TIGAR: variants seen among roughly 807,000 people sequenced by gnomAD.
The protein encoded by TIGAR is TP53 induced glycolysis regulatory phosphatase, also known as fructose-2,6-bisphosphatase TIGAR.
Under a neutral mutation model 17.9 loss-of-function variants are expected in TIGAR, and 7 were observed. That is an observed-to-expected ratio of 0.39 (90% CI 0.22 to 0.73). The LOEUF is 0.73. Ranked by LOEUF, TIGAR falls within the 30% of genes least tolerant of loss-of-function variation. The probability of loss-of-function intolerance (pLI) is 0.42; values close to 1 mark genes in which losing one functional copy is unlikely to be tolerated. For missense variants in TIGAR, 258 were observed against 327.4 expected (o/e 0.79, Z 1.64); for synonymous variants, 94 against 108.6 (o/e 0.87, Z 0.84).
At position 4,353,671 on chromosome 12, in the gene TIGAR, A is replaced by G. The variant is rs1321558918; in HGVS notation, c.*980A>G. 2.0e-5 allele frequency: 3 copies of G among 152,284 alleles called. No homozygotes were observed. The highest frequency in any genetic ancestry group is 7.2e-5 in the African/African-American group (3 of 41,434). The allele number at this position is 152,284 out of a possible 1,614,324, so 9.4% of individuals were successfully genotyped here. A position where few individuals can be genotyped will look rare whatever the true frequency, so the allele number is the denominator to read the frequency against. ...CCAACAATGGTGAAACCCTGTCTCT[A>G]CTACAAATACAAAAAAGCCAGGCGT... On this transcript the variant is annotated 3_prime_UTR_variant, in exon 6 of 6. Coordinates refer to ENST00000179259, the MANE Select transcript of TIGAR (RefSeq NM_020375.3).
intron 3 of TIGAR, among the ~76,000 whole-genome samples, chr12:4,345,174 C>T (rs7398987): frequency 0.049 from 7,408 of 152,192 alleles, 531 homozygotes; most frequent in East Asian, 0.33. Context: ...ATGAAAATGG[C>T]CATACTGCCC....
At chr12:4,349,711 C>A (rs1387467156) in intron 3 of TIGAR, 108 bp from the exon 4 acceptor site, 2 of 916,216 alleles carry the variant, frequency 2.2e-6, no homozygotes, top group African/African-American at 3.6e-5. Flanking sequence ...GCCACCGTGC[C>A]TGGTTCTAGT....
At chr12:4,349,185 G>A (rs1864811620) in intron 3 of TIGAR, among the ~76,000 whole-genome samples, 1 of 152,250 alleles carries the variant, frequency 6.6e-6, no homozygotes, top group African/African-American at 2.4e-5. Flanking sequence ...GTTAACACCT[G>A]TTCAAGTCTG....
chr12:4,341,573 C>A (rs1864722687), intron 3 of TIGAR, among the ~76,000 whole-genome samples: 1 of 152,224 alleles, frequency 6.6e-6, no homozygotes, highest in Non-Finnish European at 1.5e-5. Context: ...GCAACATTTG[C>A]TGTTCAGCAA....
At chr12:4,340,737 A>C (rs1864710654) in intron 3 of TIGAR, among the ~76,000 whole-genome samples, 1 of 152,208 alleles carries the variant, frequency 6.6e-6, no homozygotes, top group Non-Finnish European at 1.5e-5. Flanking sequence ...CCAGAAACAA[A>C]TCCATGCATC....
At chr12:4,328,437 C>T (rs997309984) in intron 1 of TIGAR, among the ~76,000 whole-genome samples, 1 of 151,970 alleles carries the variant, frequency 6.6e-6, no homozygotes, top group Non-Finnish European at 1.5e-5. Flanking sequence ...GGTGATCTGC[C>T]CTCCTTGGCC....
At chr12:4,328,810 C>G (rs775307076) in intron 1 of TIGAR, among the ~76,000 whole-genome samples, 1 of 149,220 alleles carries the variant, frequency 6.7e-6, no homozygotes, top group Admixed American at 6.7e-5. Context: ...CTCCTGACCT[C>G]GTGATCTGCC....
chr12:4,324,584 C>T, intron 1 of TIGAR: 1 of 1,599,338 alleles, frequency 6.3e-7, no homozygotes, highest in South Asian at 1.1e-5. Flanking sequence ...TGCGTCTTCA[C>T]CACTTCCGGC....
intron 3 of TIGAR, among the ~76,000 whole-genome samples, chr12:4,348,843 GA>G (rs1169435070): frequency 1.3e-5 from 2 of 152,116 alleles, no homozygotes; most frequent in African/African-American, 4.8e-5. Flanking sequence ...ATGAGAGAAG[GA>G]AATGTGAATA....
chr12:4,326,238 A>G (rs1864544979), intron 1 of TIGAR, among the ~76,000 whole-genome samples: 1 of 152,214 alleles, frequency 6.6e-6, no homozygotes, highest in African/African-American at 2.4e-5. Flanking sequence ...GACTCCTTCA[A>G]AATATATCCC....
rs1416278385 is a variant in TIGAR at position 4,338,141 on chromosome 12, AG to A, written c.192+982del. Among the ~76,000 whole-genome samples, 4 of 39,800 alleles carry A rather than the reference AG, an allele frequency of 1.0e-4. No homozygotes were observed. In the Admixed American group the frequency reaches 1.2e-3, roughly 12 times the overall value. The allele number at this position is 39,800 out of a possible 152,430, so 26.1% of individuals were successfully genotyped here. On this transcript the variant is annotated intron_variant, in intron 3 of 5. Transcript: ENST00000179259. ...ACTCTTGTCTCGAAAATAAAAAAAA[AG>A]TAAAATTAAAAACGAACCCAGTCTA...
chr12:4,321,748 C>A lies in TIGAR; in HGVS notation c.32+445C>A, dbSNP rs1779671772. Among the ~76,000 whole-genome samples the A allele has an allele frequency of 6.6e-6, 1 of 152,162 alleles. No homozygotes were observed. The highest frequency in any genetic ancestry group is 1.5e-5 in the Non-Finnish European group (1 of 68,018). ...CGCTATCCTCTCAGTTTCTGAGGTTCCCCCTCGTTTCCCCAGGCAGTCAGC... is the reference window on the plus strand; with the variant it reads ...CGCTATCCTCTCAGTTTCTGAGGTTACCCCTCGTTTCCCCAGGCAGTCAGC... On this transcript the variant is annotated intron_variant, in intron 1 of 5. Coordinates refer to ENST00000179259, the MANE Select transcript of TIGAR (RefSeq NM_020375.3). This position sits in a 1 kb window ranked among gnomAD's most constrained non-coding sequence, Gnocchi z 5.2.
Position 4,355,030 on chromosome 12 carries a change from C to G in TIGAR, c.*2339C>G, listed in dbSNP as rs1460720708. 6.6e-6 allele frequency among the ~76,000 whole-genome samples: 1 copy of G among 151,812 alleles called. No homozygotes were observed. Among genetic ancestry groups the G allele is most frequent in the African/African-American group, 2.4e-5 (1 of 41,296 alleles). ...GCAGGCATAAGCCACCGTGCCTGGC[C>G]TATGATGCATTTTTTTAATATGTGT... On this transcript the variant is annotated 3_prime_UTR_variant, in exon 6 of 6. Transcript: ENST00000179259.
At chr12:4,346,780 A>G (rs1168375603) in intron 3 of TIGAR, among the ~76,000 whole-genome samples, 2 of 152,062 alleles carry the variant, frequency 1.3e-5, no homozygotes, top group Admixed American at 1.3e-4. Context: ...AAAAAAAATG[A>G]CAAAGAGACA....
At chr12:4,336,881 T>G (rs2120666679) in intron 2 of TIGAR, among the ~76,000 whole-genome samples, 158 bp from the exon 3 acceptor site, 1 of 152,356 alleles carries the variant, frequency 6.6e-6, no homozygotes, top group South Asian at 2.1e-4. Context: ...AAACTTATTT[T>G]TACTTGCTAA....
chr12:4,346,958 A>G (rs2120685649), intron 3 of TIGAR, among the ~76,000 whole-genome samples: 1 of 152,322 alleles, frequency 6.6e-6, no homozygotes, highest in Admixed American at 6.5e-5. Context: ...GGGAATGTGA[A>G]TTAGTACAAC....
chr12:4,322,916 T>C (rs1864496177), intron 1 of TIGAR, among the ~76,000 whole-genome samples: 1 of 152,046 alleles, frequency 6.6e-6, no homozygotes, highest in Admixed American at 6.6e-5. Context: ...CACCCTTTCT[T>C]CCAATGTTAG....
intron 1 of TIGAR, chr12:4,324,734 G>A (rs1333098285): frequency 4.0e-6 from 3 of 753,204 alleles, no homozygotes; most frequent in Middle Eastern, 3.5e-4. Flanking sequence ...GACACGTCCC[G>A]TCCCGCAGCT....
Position 4,322,904 on chromosome 12 carries a change from A to T in TIGAR, c.32+1601A>T, listed in dbSNP as rs1013054653. On this transcript the variant is annotated intron_variant, in intron 1 of 5. Coordinates refer to ENST00000179259, the MANE Select transcript of TIGAR (RefSeq NM_020375.3). ...TAGCAGAACAGGAACTAGAGGCCTG[A>T]TCACCCTTTCTTCCAATGTTAGTGC... Among the ~76,000 whole-genome samples the T allele has an allele frequency of 3.3e-5, 5 of 152,152 alleles. No homozygotes were observed. The East Asian group carries it at 9.6e-4, about 29-fold the overall frequency.
Sources: allele counts gnomAD v4.1 joint callset (sites outside exome capture counted in the v4.1 genomes callset), GRCh38; gene constraint gnomAD v4.1.1; non-coding constraint Gnocchi (gnomAD v3.1); transcripts MANE v1.5; gene names NCBI Gene and HGNC (gene_info 2026-07-23, HGNC 2026-07-21).